Variants in GRID2 observed in about 807,000 individuals in gnomAD.
GRID2 encodes glutamate ionotropic receptor delta type subunit 2, also known as glutamate receptor ionotropic, delta-2.
Under a neutral mutation model 114.8 loss-of-function variants are expected in GRID2, and 33 were observed. The observed-to-expected ratio is 0.29, with a 90% CI of 0.22 to 0.38. The LOEUF is 0.38. Ranked by LOEUF, GRID2 falls within the 10% of genes least tolerant of loss-of-function variation. The pLI is 1.00. For synonymous variants in GRID2, 505 were observed against 449.9 expected (o/e 1.12, Z -1.55); for missense variants, 1,184 against 1,257.7 (o/e 0.94, Z 0.89).
At chr4:92,714,126 T>G (rs1375625184) in intron 2 of GRID2, among the ~76,000 whole-genome samples, 1 of 152,110 alleles carries the variant, frequency 6.6e-6, no homozygotes, top group Non-Finnish European at 1.5e-5. Context: ...GGTACAGGCA[T>G]TGGGTAAATA....
At chr4:93,485,502 T>C (rs149844980) in intron 11 of GRID2, among the ~76,000 whole-genome samples, 16 of 151,882 alleles carry the variant, frequency 1.1e-4, no homozygotes, top group Non-Finnish European at 1.6e-4. Context: ...GAAGCTTTAT[T>C]GTTTACCTTT....
intron 9 of GRID2, among the ~76,000 whole-genome samples, chr4:93,417,251 C>T (rs1767810797): frequency 1.3e-5 from 2 of 152,072 alleles, no homozygotes; most frequent in African/African-American, 4.8e-5. Context: ...AATCCCCTCT[C>T]TTGTAATAAT....
chr4:92,776,566 G>C (rs557319253), intron 2 of GRID2, among the ~76,000 whole-genome samples: 1 of 151,936 alleles, frequency 6.6e-6, no homozygotes, highest in South Asian at 2.1e-4. Context: ...AACTGTTACG[G>C]TCAATTAGAT....
intron 8 of GRID2, among the ~76,000 whole-genome samples, chr4:93,264,084 T>C (rs941267509): frequency 6.6e-6 from 1 of 152,194 alleles, no homozygotes; most frequent in Non-Finnish European, 1.5e-5. Context: ...AGGCAGCTAA[T>C]TGTAGGGCTT....
intron 14 of GRID2, among the ~76,000 whole-genome samples, chr4:93,710,404 C>T (rs1728383898): frequency 6.6e-6 from 1 of 152,180 alleles, no homozygotes. Flanking sequence ...GACTCTTGTT[C>T]TCTTCCTTTA....
At chr4:92,684,286 C>CA (rs1733794338) in intron 2 of GRID2, among the ~76,000 whole-genome samples, 1 of 151,640 alleles carries the variant, frequency 6.6e-6, no homozygotes, top group Non-Finnish European at 1.5e-5. Flanking sequence ...CACAGGGGGC[C>CA]AGTGGGAAAA....
At chr4:93,193,201 C>T (rs1741155910) in intron 4 of GRID2, among the ~76,000 whole-genome samples, 1 of 152,094 alleles carries the variant, frequency 6.6e-6, no homozygotes, top group Admixed American at 6.6e-5. Context: ...TAGAGGAATA[C>T]AAGTAGCTCC....
At chr4:93,121,060 C>T (rs1733739263) in intron 4 of GRID2, among the ~76,000 whole-genome samples, 2 of 152,098 alleles carry the variant, frequency 1.3e-5, no homozygotes, top group South Asian at 2.1e-4. Context: ...CAAACCTGCA[C>T]GTTCTGCACA....
At chr4:93,500,312 C>A (rs974280543) in intron 12 of GRID2, among the ~76,000 whole-genome samples, 1 of 151,948 alleles carries the variant, frequency 6.6e-6, no homozygotes, top group Non-Finnish European at 1.5e-5. Context: ...TGAAAAAGAG[C>A]ATGAATAATA....
chr4:92,483,662 AG>A (rs2149107117), intron 1 of GRID2, among the ~76,000 whole-genome samples: 1 of 152,300 alleles, frequency 6.6e-6, no homozygotes, highest in South Asian at 2.1e-4. Context: ...TCTGGAGAAT[AG>A]GATCTGGATG....
At chr4:92,857,728 T>C (rs186988242) in intron 2 of GRID2, among the ~76,000 whole-genome samples, 3 of 152,296 alleles carry the variant, frequency 2.0e-5, no homozygotes, top group East Asian at 3.9e-4. Context: ...GCTAAGATCA[T>C]TGATGAAGGT....
intron 1 of GRID2, among the ~76,000 whole-genome samples, chr4:92,453,537 G>A (rs1721058254): frequency 6.6e-6 from 1 of 152,100 alleles, no homozygotes; most frequent in Admixed American, 6.6e-5. Flanking sequence ...TAATGTACAT[G>A]TTGAAACATA....
chr4:92,762,231 T>C (rs1738053674), intron 2 of GRID2, among the ~76,000 whole-genome samples: 2 of 152,092 alleles, frequency 1.3e-5, no homozygotes, highest in Admixed American at 6.5e-5. Flanking sequence ...GTTTTAACTG[T>C]ACTTTTATGA....
intron 4 of GRID2, among the ~76,000 whole-genome samples, chr4:93,175,974 C>T (rs1055639044): frequency 1.3e-5 from 2 of 152,068 alleles, no homozygotes; most frequent in Non-Finnish European, 2.9e-5. Flanking sequence ...AATCTTGAGG[C>T]TTTAACTTTG....
intron 6 of GRID2, among the ~76,000 whole-genome samples, chr4:93,218,943 A>C (rs1283138273): frequency 6.6e-6 from 1 of 152,154 alleles, no homozygotes; most frequent in Non-Finnish European, 1.5e-5. Flanking sequence ...TACTATCATG[A>C]GAATAGCAAA....
intron 1 of GRID2, among the ~76,000 whole-genome samples, chr4:92,332,218 G>A (rs1406648012): frequency 1.3e-5 from 2 of 152,096 alleles, no homozygotes; most frequent in Non-Finnish European, 2.9e-5. Context: ...AGAGGTCCAC[G>A]ATTGAGGGGC....
In GRID2 at chr4:92,461,013, A is replaced by G. The variant is rs370922213; in HGVS notation, c.89-129118A>G. On this transcript the variant is annotated intron_variant, in intron 1 of 15. Transcript: ENST00000282020. ...TCCTCATATGTATCTATTTTACCAC[A>G]TATTTATTTTTCCATAAATTTCTGT... Among the ~76,000 whole-genome samples the G allele has an allele frequency of 2.6e-5, 4 of 151,762 alleles. No individual in the cohort carries two copies. In the East Asian group the frequency reaches 7.7e-4, roughly 29 times the overall value.
At chr4:92,920,716 A>C (rs938417278) in intron 2 of GRID2, among the ~76,000 whole-genome samples, 1 of 152,238 alleles carries the variant, frequency 6.6e-6, no homozygotes, top group South Asian at 2.1e-4. Flanking sequence ...CGGAGAGATC[A>C]GCTGTTATTC....
At chr4:93,717,485 T>C (rs2110184831) in intron 14 of GRID2, among the ~76,000 whole-genome samples, 1 of 152,246 alleles carries the variant, frequency 6.6e-6, no homozygotes, top group East Asian at 1.9e-4. Context: ...CCTTGTTGTA[T>C]TACTGGAGCA....
Sources: gnomAD v4.1 joint callset for allele counts (sites outside exome capture counted in the v4.1 genomes callset) on GRCh38, gnomAD v4.1.1 for gene constraint, MANE v1.5 for transcripts, NCBI Gene and HGNC (gene_info 2026-07-23, HGNC 2026-07-21) for gene names.